The following TTN variants were observed in gnomAD, a reference collection of about 807,000 sequenced individuals.
TTN encodes connectin.
Under a neutral mutation model 3,223.0 loss-of-function variants are expected in TTN, and 1,525 were observed. That is an observed-to-expected ratio of 0.47 (90% CI 0.45 to 0.49). TTN has a LOEUF of 0.49. TTN is among the 20% of genes least tolerant of loss of function. The pLI is 0.00. For synonymous variants in TTN, 14,094 were observed against 15,161.0 expected (o/e 0.93, Z 5.17); for missense variants, 40,786 against 43,424.0 (o/e 0.94, Z 5.40).
At chr2:178,664,593 G>C in intron 167 of TTN, 56 bp from the exon 168 acceptor site, 5 of 1,605,264 alleles carry the variant, frequency 3.1e-6, no homozygotes, top group Non-Finnish European at 3.4e-6. Context: ...ACACAATCAG[G>C]AAAAACATTT....
Position 178,533,227 on chromosome 2 carries a change from A to C in TTN, c.103388T>G (p.Phe34463Cys). The C allele has an allele frequency of 6.2e-7, 1 of 1,613,796 alleles. No individual in the cohort carries two copies. The highest frequency in any genetic ancestry group is 1.6e-4 in the Middle Eastern group (1 of 6,062). ...TCGCTCATGCTCCTCCTTACTCTTG[A>C]ATTCCTGTTTCTTGTACCTCAGGCG... ...VERLRYKKQE[F>C]KSKEEHERHV... is the part of the protein sequence containing the mutation. Residue 34463 changes from phenylalanine (F) to cysteine (C), a missense_variant, in exon 358 of 363, where the codon TTC (phenylalanine) becomes TGC (cysteine). Transcript: ENST00000589042.
At position 178,531,012 on chromosome 2, in the gene TTN, C is replaced by T; in HGVS notation, c.105603G>A (p.Val35201=). The change falls in exon 358 of 363, where the codon GTG becomes GTA. Residue 35201 remains valine (V), a synonymous_variant. Coordinates refer to ENST00000589042, the MANE Select transcript of TTN (RefSeq NM_001267550.2). ...GTTTCCCTTCACTGTTTTCTACCAC[C>T]ACGCTGTAATTGCCCTCATCGGAAG... The part of the protein sequence containing the change: ...VQASDEGNYS[V]VVENSEGKQE... 1 of 1,613,912 alleles carries T rather than the reference C, an allele frequency of 6.2e-7. No individual in the cohort carries two copies. Among genetic ancestry groups the T allele is most frequent in the Non-Finnish European group, 8.5e-7 (1 of 1,179,880 alleles).
At position 178,720,028 on chromosome 2, in the gene TTN, T is replaced by G; in HGVS notation, c.23614A>C (p.Asn7872His). ...GAGCATTCTCTCATTCCAGCATCGT[T>G]TTTGATTTGGCATATATATTTTCCA... ...NSGKYICQIK[N>H]DAGMRECSAV... Residue 7872 changes from asparagine to histidine, a missense_variant, in exon 81 of 363, where the codon AAC becomes CAC. Physicochemically the swap from Asn to His is moderately conservative, Grantham distance 68 (BLOSUM62 1). Coordinates refer to ENST00000589042, the MANE Select transcript of TTN (RefSeq NM_001267550.2). 6.2e-7 allele frequency: 1 copy of G among 1,613,172 alleles called. No homozygotes were observed. Among genetic ancestry groups the G allele is most frequent in the Non-Finnish European group, 8.5e-7 (1 of 1,179,388 alleles).
chr2:178,572,806 G>C lies in TTN; in HGVS notation c.73326C>G (p.Ala24442=). ...GAACAAAAAGTCTCAGGGTGCAGCA[G>C]GCCCTTATAGTAACAACTTTGCGCA... ...ADLRKVVTIR[A]CCTLRLFVPI... Residue 24442 remains alanine, a synonymous_variant, in exon 326 of 363, where the codon GCC becomes GCG. Coordinates refer to ENST00000589042, the MANE Select transcript of TTN (RefSeq NM_001267550.2). 1 of 1,613,434 alleles carries C rather than the reference G, an allele frequency of 6.2e-7. No homozygotes were observed. The highest frequency in any genetic ancestry group is 1.1e-5 in the South Asian group (1 of 91,062).
chr2:178,528,258 G>A lies in TTN; in HGVS notation c.107377+16C>T, dbSNP rs777307827. 12 of 1,612,688 alleles carry A rather than the reference G, an allele frequency of 7.4e-6. No individual in the cohort carries two copies. Among genetic ancestry groups the A allele is most frequent in the South Asian group, 2.2e-5 (2 of 90,800 alleles). On this transcript the variant is annotated intron_variant, in intron 361 of 362. Transcript: ENST00000589042. ...GGCCTTAAACATGTAAGGAAGAAGG[G>A]TGAGGAGATACTTACGAAGGACCAT...
At chr2:178,701,717 CAAAATAAT>C (rs2075035888) in intron 109 of TTN, 130 bp from the exon 110 acceptor site, 2 of 909,774 alleles carry the variant, frequency 2.2e-6, no homozygotes, top group African/African-American at 3.4e-5. Context: ...AATATACAGA[CAAAATAAT>C]ATTAGTATTC....
At position 178,565,115 on chromosome 2, in the gene TTN, C is replaced by A. The variant is rs886055241; in HGVS notation, c.81017G>T (p.Ser27006Ile). The change falls in exon 326 of 363, where the codon AGC becomes ATC. Residue 27006 changes from serine (S) to isoleucine (I), a missense_variant. By Grantham distance (142) the Ser-to-Ile change is moderately radical. Transcript: ENST00000589042. The stretch of plus-strand genomic sequence containing the variant: ...ATCTCGCTTCTCTACAATGTAGTTG[C>A]TTATTTGGCAGCCACCAGTATAGGC... Reference protein sequence around the residue: ...PPAYTGGCQISNYIVEKRDTT... With the variant: ...PPAYTGGCQIINYIVEKRDTT... The A allele has an allele frequency of 6.2e-7, 1 of 1,613,512 alleles. No individual in the cohort carries two copies. Among genetic ancestry groups the A allele is most frequent in the Non-Finnish European group, 8.5e-7 (1 of 1,179,614 alleles).
Position 178,594,374 on chromosome 2 carries a change from T to C in TTN, c.58120A>G (p.Thr19374Ala). ...TCATCCTTGCAAGTAATTGGTTTGG[T>C]GCAAAATGATGGTTTGCCTTGTCCA... is the stretch of plus-strand genomic sequence containing the variant. ...IVGQGKPSFC[T>A]KPITCKDELA... The change falls in exon 296 of 363, where the codon ACC (threonine) becomes GCC (alanine). Residue 19374 changes from threonine to alanine, a missense_variant. By Grantham distance (58) the Thr-to-Ala change is moderately conservative (BLOSUM62 0). Transcript: ENST00000589042. The C allele has an allele frequency of 6.3e-7, 1 of 1,598,784 alleles. No homozygotes were observed. The highest frequency in any genetic ancestry group is 2.2e-5 in the East Asian group (1 of 44,526).
At position 178,635,441 on chromosome 2, in the gene TTN, TC is replaced by T; in HGVS notation, c.41882del (p.Gly13961GlufsTer11). 6.2e-7 allele frequency: 1 copy of T among 1,606,818 alleles called. No individual in the cohort carries two copies. Among genetic ancestry groups the T allele is most frequent in the Non-Finnish European group, 8.5e-7 (1 of 1,176,724 alleles). On this transcript the variant is annotated frameshift_variant and splice_region_variant, in exon 227 of 363. Coordinates refer to ENST00000589042, the MANE Select transcript of TTN (RefSeq NM_001267550.2). LOFTEE classifies it high-confidence loss of function. Reference protein sequence around the residue: ...GKRYPAKLTLGEREVELLKPI... With the variant: ...GKRYPAKLTLXEREVELLKPI... ...TGAATAAAAGGTAAGATTTTATACC[TC>T]CAAGTGTCAGCTTTGCAGGGTATCT... is the stretch of plus-strand genomic sequence containing the variant.
In TTN at chr2:178,759,076, G is replaced by A. The variant is rs1471749833; in HGVS notation, c.10211C>T (p.Ala3404Val). ...TCCTTCATCTTCTGGATAAGCTTCG[G>A]CAATTTCCAGTTGATAAGTGTCTTC... ...QFEDTYQLEI[A>V]EAYPEDEGTY... The change falls in exon 44 of 363, where the codon GCC (alanine) becomes GTC (valine). Residue 3404 changes from alanine to valine, a missense_variant. Transcript: ENST00000589042. 2 of 1,613,952 alleles carry A rather than the reference G, an allele frequency of 1.2e-6. No individual in the cohort carries two copies. The highest frequency in any genetic ancestry group is 1.1e-5 in the South Asian group (1 of 91,074).
At chr2:178,711,702 C>T (rs1237856927) in intron 96 of TTN, among the ~76,000 whole-genome samples, 1 of 152,092 alleles carries the variant, frequency 6.6e-6, no homozygotes, top group Admixed American at 6.6e-5. Context: ...TATATGGTCA[C>T]TTTTTAAAAA....
At chr2:178,693,887 C>G (rs533764206) in intron 118 of TTN, 35 bp downstream of exon 118, 35 of 1,585,040 alleles carry the variant, frequency 2.2e-5, no homozygotes, top group Non-Finnish European at 3.0e-5. Flanking sequence ...TAAAACCCTT[C>G]CATTTGAGCC....
Position 178,724,150 on chromosome 2 carries a change from G to A in TTN, c.21116-7C>T. 6.2e-7 allele frequency: 1 copy of A among 1,606,522 alleles called. No homozygotes were observed. Among genetic ancestry groups the A allele is most frequent in the Non-Finnish European group, 8.5e-7 (1 of 1,175,640 alleles). The stretch of plus-strand genomic sequence containing the variant: ...GAGGGAGGAACTGCTCGGTCTGTGT[G>A]AGGAAAGGTAAGAGACTCATCATGA... On this transcript the variant is annotated splice_region_variant and splice_polypyrimidine_tract_variant and intron_variant, in intron 72 of 362. Coordinates refer to ENST00000589042, the MANE Select transcript of TTN (RefSeq NM_001267550.2).
At chr2:178,595,409 A>G in intron 295 of TTN, 98 bp downstream of exon 295, 1 of 1,185,802 alleles carries the variant, frequency 8.4e-7, no homozygotes, top group Non-Finnish European at 1.2e-6. Context: ...TGTCAAGTGA[A>G]TGAAATGTAC....
In TTN at chr2:178,732,884, G is replaced by T. The variant is rs1045107649; in HGVS notation, c.16292C>A (p.Ala5431Asp). 7 of 1,613,254 alleles carry T rather than the reference G, an allele frequency of 4.3e-6. No homozygotes were observed. The highest frequency in any genetic ancestry group is 5.9e-6 in the Non-Finnish European group (7 of 1,179,644). Residue 5431 changes from alanine (A) to aspartate (D), a missense_variant, in exon 55 of 363, where the codon GCC becomes GAC. Coordinates refer to ENST00000589042, the MANE Select transcript of TTN (RefSeq NM_001267550.2). ...MNDAGNFTCR[A>D]TNSVGSKDSS... Reference sequence around the variant, plus strand: ...GTCTTTGCTTCCCACGGAATTTGTGGCTCGACAAGTGAAATTCCCTGCATC... The same window carrying T: ...GTCTTTGCTTCCCACGGAATTTGTGTCTCGACAAGTGAAATTCCCTGCATC...
chr2:178,529,967 T>C lies in TTN; in HGVS notation c.106524A>G (p.Thr35508=), dbSNP rs761521227. ...AGSVSSSCKL[T]IKAIKDTEAQ... ...AAACAAAAGCCAACCTACCTTTTAT[T>C]GTTAATTTGCAGCTAGAGGACACAG... The change falls in exon 359 of 363, where the codon ACA becomes ACG. Residue 35508 remains threonine, a synonymous_variant. Coordinates refer to ENST00000589042, the MANE Select transcript of TTN (RefSeq NM_001267550.2). 6.3e-7 allele frequency: 1 copy of C among 1,591,064 alleles called. No homozygotes were observed. The highest frequency in any genetic ancestry group is 8.5e-7 in the Non-Finnish European group (1 of 1,174,608).
rs369899675 is a variant in TTN at position 178,547,901 on chromosome 2, C to T, written c.93725G>A (p.Arg31242His). 4.4e-5 allele frequency: 71 copies of T among 1,613,638 alleles called. No individual in the cohort carries two copies. The East Asian group carries it at 5.8e-4, about 13-fold the overall frequency. Residue 31242 changes from arginine (R) to histidine (H), a missense_variant, in exon 339 of 363, where the codon CGT becomes CAT. By Grantham distance (29) the Arg-to-His change is conservative. Coordinates refer to ENST00000589042, the MANE Select transcript of TTN (RefSeq NM_001267550.2). ...PFTIDVPISG[R>H]PAPKVTWKLE... is the part of the protein sequence containing the mutation. ...TTTCCATGTTACTTTGGGGGCAGGA[C>T]GACCACTGATTGGTACGTCAATGGT... is the stretch of plus-strand genomic sequence containing the variant.
intron 273 of TTN, 149 bp from the exon 274 acceptor site, chr2:178,609,057 G>A: frequency 7.8e-7 from 1 of 1,285,378 alleles, no homozygotes; most frequent in Admixed American, 2.9e-5. Flanking sequence ...ACAAGATCAG[G>A]TGATTTCTTT....
rs2087255880 is a variant in TTN, at chr2:178,757,094, C to G, written c.10679-297G>C. Among the ~76,000 whole-genome samples, 6 of 10,856 alleles carry G rather than the reference C, an allele frequency of 5.5e-4. No homozygotes were observed. The Admixed American group carries it at 7.2e-3, about 13-fold the overall frequency. The allele number at this position is 10,856 out of a possible 152,430, so 7.1% of individuals were successfully genotyped here. The stretch of plus-strand genomic sequence containing the variant: ...AAAGTGACCCAGTCTGTCTTTCTCT[C>G]TCTCCCTCTAGCTGACTGTATTTGG... On this transcript the variant is annotated intron_variant, in intron 45 of 362. Coordinates refer to ENST00000589042, the MANE Select transcript of TTN (RefSeq NM_001267550.2).
Sources: gnomAD v4.1 joint callset for allele counts (sites outside exome capture counted in the v4.1 genomes callset) on GRCh38, gnomAD v4.1.1 for gene constraint, MANE v1.5 for transcripts, NCBI Gene and HGNC (gene_info 2026-07-23, HGNC 2026-07-21) for gene names.